Variants in ASXL3 observed in about 807,000 individuals in gnomAD.
The protein encoded by ASXL3 is ASXL transcriptional regulator 3.
ASXL3 carries 34 observed loss-of-function variants against 170.6 expected under a neutral mutation model. The observed-to-expected ratio is 0.20, with a 90% CI of 0.15 to 0.27. The LOEUF is 0.27. Among genes scored for constraint, ASXL3 ranks in the 10% least tolerant of loss-of-function variants. ASXL3 has a pLI of 1.00. For synonymous variants in ASXL3, 1,002 were observed against 989.1 expected (o/e 1.01, Z -0.24); for missense variants, 2,592 against 2,695.3 (o/e 0.96, Z 0.85).
chr18:33,670,535 T>C (rs2066323468), intron 5 of ASXL3, 138 bp from the exon 6 acceptor site: 3 of 593,670 alleles, frequency 5.1e-6, no homozygotes, highest in Non-Finnish European at 8.3e-6. Context: ...TTAAGAATCC[T>C]GAGAAATTAG....
intron 2 of ASXL3, among the ~76,000 whole-genome samples, chr18:33,632,769 A>G (rs1040161657): frequency 1.3e-5 from 2 of 152,176 alleles, no homozygotes; most frequent in African/African-American, 4.8e-5. Context: ...CCAGTCCCGC[A>G]GGCTTCTAAC....
chr18:33,654,895 A>G (rs2066059433), intron 4 of ASXL3, among the ~76,000 whole-genome samples: 2 of 151,998 alleles, frequency 1.3e-5, no homozygotes, highest in Non-Finnish European at 2.9e-5. Flanking sequence ...GTTTAAGGAG[A>G]TATTTTTATG....
chr18:33,607,911 A>G (rs1461353531), intron 2 of ASXL3, among the ~76,000 whole-genome samples: 1 of 152,018 alleles, frequency 6.6e-6, no homozygotes, highest in East Asian at 1.9e-4. Context: ...AACAAAGAAC[A>G]GCACTGTGTG....
In ASXL3 at chr18:33,739,145, G is replaced by A; in HGVS notation, c.1741G>A (p.Gly581Ser). The change falls in exon 11 of 12, where the codon GGC becomes AGC. Residue 581 changes from glycine (G) to serine (S), a missense_variant. Coordinates refer to ENST00000269197, the MANE Select transcript of ASXL3 (RefSeq NM_030632.3). Reference protein sequence around the residue: ...KIKTGSSSLEGQFPNEGIAID... With the variant: ...KIKTGSSSLESQFPNEGIAID... Reference sequence around the variant, plus strand: ...AAAAACAGGGTCATCTTCTCTAGAAGGCCAGTTTCCAAATGAAGGAATTGC... The same window carrying A: ...AAAAACAGGGTCATCTTCTCTAGAAAGCCAGTTTCCAAATGAAGGAATTGC... 6.2e-7 allele frequency: 1 copy of A among 1,613,646 alleles called. No individual in the cohort carries two copies. The highest frequency in any genetic ancestry group is 8.5e-7 in the Non-Finnish European group (1 of 1,179,770).
At chr18:33,719,054 A>T in intron 8 of ASXL3, among the ~76,000 whole-genome samples, 1 of 152,104 alleles carries the variant, frequency 6.6e-6, no homozygotes, top group East Asian at 1.9e-4. Flanking sequence ...TGTTTTTCAT[A>T]GTTTAGAAAT....
rs757454665 is a variant in ASXL3, at chr18:33,734,377, T to C, written c.1044T>C (p.Pro348=). ...QEIEKEKKTE[P]WKEKFFERFY... Reference sequence around the variant, plus strand: ...TTGAGAAGGAAAAGAAAACAGAACCTTGGAAAGAAAAATTCTTTGAGAGGT... The same window carrying C: ...TTGAGAAGGAAAAGAAAACAGAACCCTGGAAAGAAAAATTCTTTGAGAGGT... Residue 348 remains proline, a synonymous_variant, in exon 10 of 12, where the codon CCT becomes CCC. Transcript: ENST00000269197. The C allele has an allele frequency of 6.2e-7, 1 of 1,608,868 alleles. No homozygotes were observed. The highest frequency in any genetic ancestry group is 1.7e-5 in the Admixed American group (1 of 59,154).
intron 2 of ASXL3, among the ~76,000 whole-genome samples, chr18:33,612,184 CAT>C (rs112285121): frequency 1.1e-4 from 17 of 149,812 alleles, no homozygotes; most frequent in South Asian, 2.1e-4. Context: ...TAAAATTAAA[CAT>C]ATATATATAT....
chr18:33,712,158 G>GTTGT (rs2067076982), intron 8 of ASXL3, among the ~76,000 whole-genome samples: 2 of 152,118 alleles, frequency 1.3e-5, no homozygotes, highest in Non-Finnish European at 2.9e-5. Context: ...TTTGTTTATA[G>GTTGT]TAGTTAATCA....
chr18:33,628,340 G>T (rs1291868998), intron 2 of ASXL3, among the ~76,000 whole-genome samples: 4 of 152,018 alleles, frequency 2.6e-5, no homozygotes, highest in African/African-American at 4.8e-5. Context: ...CTAGAGAAAA[G>T]ATTTTGAAAA....
At chr18:33,715,715 A>T (rs567398046) in intron 8 of ASXL3, among the ~76,000 whole-genome samples, 1 of 152,334 alleles carries the variant, frequency 6.6e-6, no homozygotes, top group African/African-American at 2.4e-5. Flanking sequence ...ACCTGAGGGT[A>T]TTAAAATTTG....
At chr18:33,582,534 T>G (rs1393043459) in intron 1 of ASXL3, among the ~76,000 whole-genome samples, 1 of 144,618 alleles carries the variant, frequency 6.9e-6, no homozygotes, top group Non-Finnish European at 1.5e-5. Flanking sequence ...ATTTGTTCCC[T>G]GAGTTTCCTT....
intron 8 of ASXL3, among the ~76,000 whole-genome samples, chr18:33,699,801 A>T (rs557431450): frequency 6.6e-6 from 1 of 152,016 alleles, no homozygotes; most frequent in African/African-American, 2.4e-5. Context: ...ATTTTATTTC[A>T]TAATATAGTT....
At chr18:33,609,937 C>T (rs2065308898) in intron 2 of ASXL3, among the ~76,000 whole-genome samples, 1 of 151,970 alleles carries the variant, frequency 6.6e-6, no homozygotes, top group African/African-American at 2.4e-5. Context: ...CCCTTCTTGT[C>T]AATGGTAATC....
intron 1 of ASXL3, among the ~76,000 whole-genome samples, chr18:33,603,776 A>G (rs1050582042): frequency 5.3e-5 from 8 of 152,116 alleles, no homozygotes; most frequent in African/African-American, 1.9e-4. Context: ...TCCATGAGAG[A>G]TGCAAGACAT....
At position 33,590,111 on chromosome 18, in the gene ASXL3, G is replaced by GTTT. The variant is rs567969303; in HGVS notation, c.54+11443_54+11445dup. Among the ~76,000 whole-genome samples, 54 of 83,174 alleles carry GTTT rather than the reference G, an allele frequency of 6.5e-4. 3 individuals are homozygous for GTTT. The highest frequency in any genetic ancestry group is 3.4e-3 in the African/African-American group (50 of 14,546). 54.6% of individuals were successfully genotyped at this position (83,174 alleles called of 152,430 possible). A position where few individuals can be genotyped will look rare whatever the true frequency, so the allele number is the denominator to read the frequency against. On this transcript the variant is annotated intron_variant, in intron 1 of 11. Transcript: ENST00000269197. ...TGTCGTCAAGGTATTTGCTTTCTATGTTTTTTTTTTTTTTTTTTTGCTTTG... is the reference window on the plus strand; with the variant it reads ...TGTCGTCAAGGTATTTGCTTTCTATGTTTTTTTTTTTTTTTTTTTTTTGCTTTG...
At chr18:33,686,281 A>G (rs1302768131) in intron 8 of ASXL3, among the ~76,000 whole-genome samples, 1 of 152,222 alleles carries the variant, frequency 6.6e-6, no homozygotes, top group Admixed American at 6.5e-5. Context: ...TGGAAGAATA[A>G]CAGAAGGGAG....
At chr18:33,636,329 ACAACAG>A (rs74910042) in intron 2 of ASXL3, among the ~76,000 whole-genome samples, 10,728 of 112,494 alleles carry the variant, frequency 0.095, 459 homozygotes, top group East Asian at 0.15. Flanking sequence ...AACAACAACA[ACAACAG>A]CAACAACAAC....
intron 1 of ASXL3, among the ~76,000 whole-genome samples, chr18:33,603,002 G>A (rs2065200847): frequency 6.6e-6 from 1 of 152,054 alleles, no homozygotes; most frequent in African/African-American, 2.4e-5. Context: ...ACACATTAAT[G>A]TTAGAAAAAG....
intron 8 of ASXL3, among the ~76,000 whole-genome samples, chr18:33,701,181 C>T (rs532490080): frequency 7.6e-4 from 116 of 151,902 alleles, no homozygotes; most frequent in Middle Eastern, 3.4e-3. Context: ...GTATTCTAAT[C>T]TTTTTATATT....
Sources: allele counts gnomAD v4.1 joint callset (sites outside exome capture counted in the v4.1 genomes callset), GRCh38; gene constraint gnomAD v4.1.1; transcripts MANE v1.5; gene names NCBI Gene and HGNC (gene_info 2026-07-23, HGNC 2026-07-21).